TANC2: variants seen among roughly 807,000 people sequenced by gnomAD.
TANC2 encodes tetratricopeptide repeat, ankyrin repeat and coiled-coil containing 2, also known as protein TANC2.
In TANC2, 26 loss-of-function variants were observed where a neutral mutation model predicts 210.5. The observed-to-expected ratio is 0.12, with a 90% confidence interval of 0.09 to 0.17. The LOEUF (loss-of-function observed/expected upper bound fraction) is 0.17. Among genes scored for constraint, TANC2 ranks in the 10% least tolerant of loss-of-function variants. TANC2 has a pLI of 1.00. For synonymous variants in TANC2, 931 were observed against 967.1 expected (o/e 0.96, Z 0.69); for missense variants, 2,129 against 2,608.9 (o/e 0.82, Z 4.01).
chr17:63,232,829 C>G (rs1289135313), intron 7 of TANC2, among the ~76,000 whole-genome samples: 1 of 152,248 alleles, frequency 6.6e-6, no homozygotes, highest in African/African-American at 2.4e-5. Flanking sequence ...TCTGGACTAC[C>G]CGGATTCCTC....
intron 8 of TANC2, among the ~76,000 whole-genome samples, chr17:63,255,334 C>G (rs919325917): frequency 1.3e-5 from 2 of 151,972 alleles, no homozygotes; most frequent in Non-Finnish European, 1.5e-5. Flanking sequence ...GTTTGTGATC[C>G]GCCTGCCTCG....
intron 7 of TANC2, among the ~76,000 whole-genome samples, chr17:63,221,295 G>C (rs532055218): frequency 1.2e-4 from 18 of 151,438 alleles, no homozygotes; most frequent in African/African-American, 4.3e-4. Flanking sequence ...TTAGCCAGGC[G>C]TGGTGGTGGT....
chr17:63,121,670 C>G (rs2038484158), intron 4 of TANC2, among the ~76,000 whole-genome samples: 1 of 152,076 alleles, frequency 6.6e-6, no homozygotes, highest in African/African-American at 2.4e-5. Flanking sequence ...AAGTAAAACT[C>G]ACTCTTCAGG....
At chr17:63,362,827 C>G (rs1016216148) in intron 14 of TANC2, among the ~76,000 whole-genome samples, 1 of 152,180 alleles carries the variant, frequency 6.6e-6, no homozygotes, top group Admixed American at 6.5e-5. Flanking sequence ...ACATGGATGC[C>G]CAGGTCTGCA....
chr17:63,277,520 T>C (rs2043917604), intron 9 of TANC2, among the ~76,000 whole-genome samples: 1 of 88,158 alleles, frequency 1.1e-5, no homozygotes, highest in African/African-American at 1.0e-4. Flanking sequence ...TTCTCTGTCT[T>C]AAGTTATCAT....
At chr17:63,068,443 A>G (rs2036280640) in intron 2 of TANC2, among the ~76,000 whole-genome samples, 3 of 152,248 alleles carry the variant, frequency 2.0e-5, no homozygotes, top group South Asian at 4.1e-4. Context: ...TCGCTTCTAT[A>G]TCTTGAACAT....
intron 5 of TANC2, among the ~76,000 whole-genome samples, chr17:63,171,967 T>C (rs1418260745): frequency 6.6e-6 from 1 of 152,188 alleles, no homozygotes; most frequent in African/African-American, 2.4e-5. Context: ...GCATAAAATA[T>C]GGATGCTGTT....
chr17:63,065,463 T>C (rs2036161977), intron 2 of TANC2, among the ~76,000 whole-genome samples: 1 of 152,244 alleles, frequency 6.6e-6, no homozygotes, highest in Non-Finnish European at 1.5e-5. Flanking sequence ...GTAGTTTTAT[T>C]TTAAAATTTT....
intron 7 of TANC2, among the ~76,000 whole-genome samples, chr17:63,202,122 G>T (rs962164384): frequency 1.3e-5 from 2 of 151,980 alleles, no homozygotes; most frequent in African/African-American, 4.8e-5. Flanking sequence ...AGTTTTTATG[G>T]CTATCAAGTT....
intron 20 of TANC2, 97 bp downstream of exon 20, chr17:63,405,352 G>T (rs972125214): frequency 1.3e-5 from 18 of 1,382,944 alleles, no homozygotes; most frequent in Non-Finnish European, 1.7e-5. Flanking sequence ...TAAAGTTTGG[G>T]TTACCCAGCA....
At chr17:63,330,820 A>G (rs1397576938) in intron 11 of TANC2, among the ~76,000 whole-genome samples, 1 of 152,206 alleles carries the variant, frequency 6.6e-6, no homozygotes, top group South Asian at 2.1e-4. Context: ...TCCTGCCTGT[A>G]ATCCTAGCAC....
intron 9 of TANC2, among the ~76,000 whole-genome samples, chr17:63,277,101 C>T (rs956274181): frequency 6.6e-6 from 1 of 152,104 alleles, no homozygotes; most frequent in Admixed American, 6.6e-5. Flanking sequence ...TTTCCTCTCA[C>T]TTGAGCTTTA....
chr17:63,157,820 G>A (rs1331606516), intron 5 of TANC2, among the ~76,000 whole-genome samples: 1 of 152,042 alleles, frequency 6.6e-6, no homozygotes, highest in East Asian at 1.9e-4. Flanking sequence ...CAGGGTCTGG[G>A]CTCACTGCAG....
intron 5 of TANC2, among the ~76,000 whole-genome samples, chr17:63,193,085 G>A (rs2145742246): frequency 6.6e-6 from 1 of 152,214 alleles, no homozygotes; most frequent in Admixed American, 6.5e-5. Flanking sequence ...GAAGAGACCA[G>A]TTTTGCCTTT....
chr17:63,079,894 C>G (rs770137637), intron 3 of TANC2, among the ~76,000 whole-genome samples: 2 of 152,118 alleles, frequency 1.3e-5, no homozygotes, highest in Admixed American at 6.6e-5. Flanking sequence ...GGGCAGAGAC[C>G]TCCAATGTCT....
At chr17:63,102,459 CTTTTTA>C (rs2037663765) in intron 4 of TANC2, among the ~76,000 whole-genome samples, 1 of 148,456 alleles carries the variant, frequency 6.7e-6, no homozygotes, top group Non-Finnish European at 1.5e-5. Flanking sequence ...TTGTTTTTTC[CTTTTTA>C]TTTTTATTTA....
At chr17:63,209,005 A>T (rs980493135) in intron 7 of TANC2, among the ~76,000 whole-genome samples, 1 of 147,842 alleles carries the variant, frequency 6.8e-6, no homozygotes, top group African/African-American at 2.5e-5. Flanking sequence ...TTTCTTCCTA[A>T]TTTTTTTTTT....
At chr17:63,101,861 A>G (rs904535454) in intron 4 of TANC2, among the ~76,000 whole-genome samples, 1 of 152,200 alleles carries the variant, frequency 6.6e-6, no homozygotes, top group African/African-American at 2.4e-5. Flanking sequence ...GGAGCCAGCC[A>G]TGGGAAGATC....
At chr17:63,001,351 C>T (rs1484754654) in intron 1 of TANC2, among the ~76,000 whole-genome samples, 2 of 152,052 alleles carry the variant, frequency 1.3e-5, no homozygotes, top group Admixed American at 1.3e-4. Context: ...AATCATTTCT[C>T]GCTCAATGAA....
Sources: allele counts gnomAD v4.1 joint callset (sites outside exome capture counted in the v4.1 genomes callset), GRCh38; gene constraint gnomAD v4.1.1; transcripts MANE v1.5; gene names NCBI Gene and HGNC (gene_info 2026-07-23, HGNC 2026-07-21).